NUP153: variants seen among roughly 807,000 people sequenced by gnomAD.
NUP153 encodes nucleoporin 153.
NUP153 carries 27 observed loss-of-function variants against 134.6 expected under a neutral mutation model. That is an observed-to-expected ratio of 0.20 (90% confidence interval 0.15 to 0.28). NUP153 has a LOEUF of 0.28. NUP153 is among the 10% of genes least tolerant of loss of function. NUP153 has a pLI of 1.00. For missense variants in NUP153, 1,821 were observed against 1,731.3 expected (o/e 1.05, Z -0.92); for synonymous variants, 640 against 623.5 (o/e 1.03, Z -0.40).
intron 11 of NUP153, among the ~76,000 whole-genome samples, chr6:17,652,394 G>A (rs1404506125): frequency 1.2e-4 from 18 of 151,842 alleles, no homozygotes; most frequent in Admixed American, 5.3e-4. Flanking sequence ...CAAATATTAG[G>A]AAATTCAATA....
chr6:17,645,635 T>C (rs1766125929), intron 14 of NUP153, among the ~76,000 whole-genome samples: 1 of 152,104 alleles, frequency 6.6e-6, no homozygotes, highest in South Asian at 2.1e-4. Context: ...GTTCAGAAAT[T>C]ATGTATCACA....
intron 14 of NUP153, 130 bp downstream of exon 14, chr6:17,645,937 G>T: frequency 2.2e-6 from 1 of 446,600 alleles, no homozygotes; most frequent in Non-Finnish European, 4.0e-6. Flanking sequence ...AATAGTGCCT[G>T]CTTGCTTTTC....
At chr6:17,693,199 C>CACACACAT (rs1412275891) in intron 1 of NUP153, among the ~76,000 whole-genome samples, 1 of 148,528 alleles carries the variant, frequency 6.7e-6, no homozygotes, top group Admixed American at 6.6e-5. Flanking sequence ...CACACACACA[C>CACACACAT]ACACACACAC....
In NUP153 at chr6:17,638,940, T is replaced by C. The variant is rs1161191211; in HGVS notation, c.1846+999A>G. Among the ~76,000 whole-genome samples, 1 of 152,212 alleles carries C rather than the reference T, an allele frequency of 6.6e-6. No homozygotes were observed. Among genetic ancestry groups the C allele is most frequent in the African/African-American group, 2.4e-5 (1 of 41,454 alleles). ...ACCAGAAAAATTGAATCCTCCTAAA[T>C]CCTGTTGTAAAAGCCAACCTTATTT... On this transcript the variant is annotated intron_variant, in intron 15 of 21. Coordinates refer to ENST00000262077, the MANE Select transcript of NUP153 (RefSeq NM_005124.4). This position sits in a 1 kb window ranked among gnomAD's most constrained non-coding sequence, Gnocchi z 4.0.
At chr6:17,657,597 G>A (rs561040498) in intron 11 of NUP153, among the ~76,000 whole-genome samples, 35 of 152,034 alleles carry the variant, frequency 2.3e-4, no homozygotes, top group African/African-American at 8.0e-4. Flanking sequence ...CCATGGTATT[G>A]GCTTCTGTGC....
intron 1 of NUP153, among the ~76,000 whole-genome samples, chr6:17,702,958 T>C (rs1368914880): frequency 6.6e-6 from 1 of 151,908 alleles, no homozygotes; most frequent in Non-Finnish European, 1.5e-5. Context: ...CCAGCACTTT[T>C]GGGAGGCTGT....
At chr6:17,676,477 GTTATTAAAATATTAAA>G (rs1388486860) in intron 2 of NUP153, among the ~76,000 whole-genome samples, 1 of 151,812 alleles carries the variant, frequency 6.6e-6, no homozygotes, top group Non-Finnish European at 1.5e-5. Flanking sequence ...CCACCTTCCC[GTTATTAAAATATTAAA>G]TTATTAAAAT....
intron 2 of NUP153, among the ~76,000 whole-genome samples, chr6:17,678,550 T>G (rs1768375299): frequency 6.6e-6 from 1 of 152,168 alleles, no homozygotes; most frequent in African/African-American, 2.4e-5. Context: ...GAATGATTAC[T>G]TGCATTCCTT....
rs1181244623 is a variant in NUP153, at chr6:17,706,004, C to A, written c.111+273G>T. Among the ~76,000 whole-genome samples the A allele has an allele frequency of 6.6e-6, 1 of 152,206 alleles. No individual in the cohort carries two copies. The highest frequency in any genetic ancestry group is 1.9e-4 in the East Asian group (1 of 5,190). On this transcript the variant is annotated intron_variant, in intron 1 of 21. Coordinates refer to ENST00000262077, the MANE Select transcript of NUP153 (RefSeq NM_005124.4). The surrounding 1 kb of genome is among the most constrained non-coding windows in gnomAD (Gnocchi z 5.9). ...CGCGCGCATCATGGGCCTACAATTT[C>A]TTTTCCCGCCCAGAGCCTGCCTGGG...
At chr6:17,620,213 G>T (rs1035860506) in intron 20 of NUP153, among the ~76,000 whole-genome samples, 30 of 151,314 alleles carry the variant, frequency 2.0e-4, no homozygotes, top group African/African-American at 6.3e-4. Context: ...AAAAAGCTGA[G>T]GTATCATACT....
chr6:17,661,367 T>C (rs1767165996), intron 11 of NUP153, among the ~76,000 whole-genome samples: 1 of 152,208 alleles, frequency 6.6e-6, no homozygotes, highest in Non-Finnish European at 1.5e-5. Flanking sequence ...TATTTACGTA[T>C]GTTTTACAAA....
rs1236032919 is a variant in NUP153 at position 17,671,964 on chromosome 6, T to C, written c.853-2418A>G. 3.3e-5 allele frequency among the ~76,000 whole-genome samples: 5 copies of C among 152,034 alleles called. 1 individual carries two copies. The South Asian group carries it at 8.3e-4, about 25-fold the overall frequency. On this transcript the variant is annotated intron_variant, in intron 5 of 21. Transcript: ENST00000262077. ...TGGAGGTTGCAGTGAACCAAGATCA[T>C]GCCACAGCACTTCAGCTTGGGCAAC...
At chr6:17,686,184 C>A (rs1023597486) in intron 2 of NUP153, among the ~76,000 whole-genome samples, 2 of 151,728 alleles carry the variant, frequency 1.3e-5, no homozygotes, top group Non-Finnish European at 2.9e-5. Flanking sequence ...AAAGAAAAAG[C>A]CAACTGTAAA....
intron 20 of NUP153, among the ~76,000 whole-genome samples, chr6:17,617,466 A>T (rs74782737): frequency 3.9e-4 from 13 of 33,370 alleles, no homozygotes; most frequent in Admixed American, 2.2e-3. Context: ...AGTGGGAATT[A>T]AAAAAAAAAA....
intron 5 of NUP153, among the ~76,000 whole-genome samples, chr6:17,671,782 C>T (rs903826883): frequency 7.2e-5 from 11 of 152,060 alleles, no homozygotes; most frequent in South Asian, 4.2e-4. Context: ...CCAAGGTGGG[C>T]GGATCACCTG....
At chr6:17,622,239 C>T (rs539269452) in intron 20 of NUP153, among the ~76,000 whole-genome samples, 8 of 152,072 alleles carry the variant, frequency 5.3e-5, no homozygotes, top group African/African-American at 1.4e-4. Context: ...TGCTTGAGCT[C>T]GGGAGTTAGA....
intron 9 of NUP153, among the ~76,000 whole-genome samples, chr6:17,662,798 T>C (rs777609001): frequency 2.0e-5 from 3 of 152,194 alleles, no homozygotes; most frequent in Non-Finnish European, 4.4e-5. Flanking sequence ...CGGTCTTCAC[T>C]GCCAAAAGTA....
At chr6:17,632,328 C>T in intron 17 of NUP153, among the ~76,000 whole-genome samples, 2 of 98,678 alleles carry the variant, frequency 2.0e-5, no homozygotes, top group East Asian at 4.2e-4. Context: ...AACAAAAAAA[C>T]AAACAAACAA....
chr6:17,657,393 T>TA (rs67417559), intron 11 of NUP153, among the ~76,000 whole-genome samples: 3 of 94,980 alleles, frequency 3.2e-5, no homozygotes, highest in Non-Finnish European at 5.0e-5. Context: ...AATAAAAAAA[T>TA]AAAAAAATAA....
Sources: allele counts gnomAD v4.1 joint callset (sites outside exome capture counted in the v4.1 genomes callset), GRCh38; gene constraint gnomAD v4.1.1; non-coding constraint Gnocchi (gnomAD v3.1); transcripts MANE v1.5; gene names NCBI Gene and HGNC (gene_info 2026-07-23, HGNC 2026-07-21).